Variants in NRXN3 observed in about 807,000 individuals in gnomAD.
The protein encoded by NRXN3 is neurexin 3, also known as neurexin III.
A neutral mutation model predicts 137.6 loss-of-function variants in NRXN3; 32 were observed. That is an observed-to-expected ratio of 0.23 (90% CI 0.18 to 0.31). NRXN3 has a LOEUF of 0.31. Ranked by LOEUF, NRXN3 falls within the 10% of genes least tolerant of loss-of-function variation. The pLI, the probability that NRXN3 is intolerant of heterozygous loss-of-function variation, is 1.00. For missense variants in NRXN3, 1,574 were observed against 2,062.5 expected, an observed-to-expected ratio of 0.76 and a Z score of 4.59; for synonymous variants, 798 against 784.5, an observed-to-expected ratio of 1.02 and a Z score of -0.29.
chr14:78,927,625 C>A (rs1037954177), intron 10 of NRXN3, among the ~76,000 whole-genome samples: 1 of 152,148 alleles, frequency 6.6e-6, no homozygotes, highest in East Asian at 1.9e-4. Flanking sequence ...GCTGCTCATG[C>A]ATTTTATGAT....
At position 79,734,313 on chromosome 14, in the gene NRXN3, G is replaced by A. The variant is rs551868614; in HGVS notation, c.4014+36376G>A. 1.9e-4 allele frequency among the ~76,000 whole-genome samples: 29 copies of A among 152,322 alleles called. 1 individual carries two copies. In the South Asian group the frequency reaches 5.8e-3, roughly 30 times the overall value. The stretch of plus-strand genomic sequence containing the variant: ...TTAAATGTAGGGACCAAGACAGGAT[G>A]TAGGTTGTGTCAACTTGGGAATGCT... On this transcript the variant is annotated intron_variant, in intron 19 of 20. Coordinates refer to ENST00000335750, the MANE Select transcript of NRXN3 (RefSeq NM_001330195.2).
intron 8 of NRXN3, among the ~76,000 whole-genome samples, chr14:78,735,425 CAG>C (rs2098537138): frequency 6.6e-6 from 1 of 152,124 alleles, no homozygotes; most frequent in Non-Finnish European, 1.5e-5. Flanking sequence ...TCTGACAGGA[CAG>C]AGGGTCTTGC....
At chr14:78,486,683 T>C (rs972011469) in intron 4 of NRXN3, among the ~76,000 whole-genome samples, 3 of 152,186 alleles carry the variant, frequency 2.0e-5, no homozygotes, top group African/African-American at 4.8e-5. Flanking sequence ...TCTGGTTTTT[T>C]CCTTGTCCTC....
At chr14:79,549,434 A>G (rs1407614942) in intron 16 of NRXN3, among the ~76,000 whole-genome samples, 1 of 152,190 alleles carries the variant, frequency 6.6e-6, no homozygotes, top group East Asian at 1.9e-4. Context: ...ATGAGATACC[A>G]TACATGTAAG....
intron 14 of NRXN3, among the ~76,000 whole-genome samples, chr14:78,986,509 C>T (rs956506058): frequency 1.3e-5 from 2 of 151,940 alleles, no homozygotes; most frequent in African/African-American, 2.4e-5. Flanking sequence ...TTAATGCCCC[C>T]ACATGTCAGT....
intron 4 of NRXN3, among the ~76,000 whole-genome samples, chr14:78,517,862 G>A (rs551582784): frequency 6.6e-6 from 1 of 152,226 alleles, no homozygotes; most frequent in East Asian, 1.9e-4. Flanking sequence ...TGTCAGTTTA[G>A]ATTGTCAGAA....
At chr14:78,849,376 G>A (rs895172297) in intron 10 of NRXN3, among the ~76,000 whole-genome samples, 13 of 152,156 alleles carry the variant, frequency 8.5e-5, no homozygotes, top group Non-Finnish European at 1.9e-4. Flanking sequence ...TCCAGCTGCT[G>A]GTGTGCACAA....
chr14:78,683,154 T>C (rs1032169775), intron 6 of NRXN3, among the ~76,000 whole-genome samples: 2 of 152,210 alleles, frequency 1.3e-5, no homozygotes, highest in African/African-American at 4.8e-5. Context: ...GTTGATTATA[T>C]GTTGAAATGA....
chr14:79,069,158 G>A (rs916562422), intron 15 of NRXN3, among the ~76,000 whole-genome samples: 5 of 152,192 alleles, frequency 3.3e-5, no homozygotes, highest in African/African-American at 1.2e-4. Flanking sequence ...TGAAATGGCA[G>A]CAAGAGAACA....
At chr14:79,114,648 A>C (rs550992003) in intron 15 of NRXN3, among the ~76,000 whole-genome samples, 1 of 152,266 alleles carries the variant, frequency 6.6e-6, no homozygotes, top group East Asian at 1.9e-4. Flanking sequence ...AGTCATGCAC[A>C]TACTGGATTC....
intron 19 of NRXN3, among the ~76,000 whole-genome samples, chr14:79,706,686 C>G (rs1234195287): frequency 2.0e-5 from 3 of 152,070 alleles, no homozygotes; most frequent in East Asian, 1.9e-4. Flanking sequence ...GCCCACTCCC[C>G]CCAGCTGCTC....
chr14:79,613,928 G>T (rs540070436), intron 16 of NRXN3, among the ~76,000 whole-genome samples: 1 of 152,210 alleles, frequency 6.6e-6, no homozygotes, highest in African/African-American at 2.4e-5. Flanking sequence ...CGACTTAGTC[G>T]AAATCACTTT....
At chr14:79,063,705 G>A (rs2099677096) in intron 15 of NRXN3, among the ~76,000 whole-genome samples, 1 of 152,116 alleles carries the variant, frequency 6.6e-6, no homozygotes, top group African/African-American at 2.4e-5. Flanking sequence ...TTTAATACAA[G>A]CCGAGGAAAG....
chr14:79,719,382 G>GTA (rs2098835541), intron 19 of NRXN3, among the ~76,000 whole-genome samples: 1 of 127,788 alleles, frequency 7.8e-6, no homozygotes, highest in Non-Finnish European at 1.7e-5. Context: ...GTATATATAT[G>GTA]TGTGTGTATA....
At chr14:79,780,015 C>T (rs1467345144) in intron 19 of NRXN3, among the ~76,000 whole-genome samples, 2 of 152,110 alleles carry the variant, frequency 1.3e-5, no homozygotes, top group African/African-American at 4.8e-5. Flanking sequence ...CATGTGTGAG[C>T]CACCACGCCC....
At chr14:79,507,287 A>G (rs546610311) in intron 16 of NRXN3, among the ~76,000 whole-genome samples, 53 of 152,318 alleles carry the variant, frequency 3.5e-4, no homozygotes, top group Non-Finnish European at 6.3e-4. Context: ...TAGCTCATCT[A>G]TCTTTAAGTT....
At chr14:78,723,292 C>T (rs2098468486) in intron 8 of NRXN3, among the ~76,000 whole-genome samples, 1 of 152,028 alleles carries the variant, frequency 6.6e-6, no homozygotes, top group Admixed American at 6.6e-5. Context: ...AAGAGCCCTC[C>T]CTGAAGAAAC....
At chr14:78,543,205 A>C (rs1031543745) in intron 4 of NRXN3, among the ~76,000 whole-genome samples, 1 of 152,164 alleles carries the variant, frequency 6.6e-6, no homozygotes, top group Non-Finnish European at 1.5e-5. Context: ...CTAGATGTCC[A>C]TTTCCTATAA....
intron 4 of NRXN3, among the ~76,000 whole-genome samples, chr14:78,586,219 G>A (rs1352917762): frequency 6.6e-6 from 1 of 152,144 alleles, no homozygotes; most frequent in Non-Finnish European, 1.5e-5. Context: ...TCTACCATCT[G>A]GCTGTTTAGA....
Sources: allele counts gnomAD v4.1 joint callset (sites outside exome capture counted in the v4.1 genomes callset), GRCh38; gene constraint gnomAD v4.1.1; transcripts MANE v1.5; gene names NCBI Gene and HGNC (gene_info 2026-07-23, HGNC 2026-07-21).